The following PTGER3 variants were observed in gnomAD, a reference collection of about 807,000 sequenced individuals.
The protein encoded by PTGER3 is prostaglandin E2 receptor EP3 subtype.
PTGER3 carries 22 observed loss-of-function variants against 34.7 expected under a neutral mutation model. The observed-to-expected ratio is 0.63, with a 90% CI of 0.45 to 0.91. The LOEUF is 0.91. PTGER3 is among the 40% of genes least tolerant of loss of function. The pLI is 0.00. For synonymous variants in PTGER3, 241 were observed against 230.1 expected (o/e 1.05, Z -0.43); for missense variants, 468 against 519.4 (o/e 0.90, Z 0.96).
At chr1:70,962,987 G>A (rs922738130) in intron 2 of PTGER3, among the ~76,000 whole-genome samples, 3 of 152,174 alleles carry the variant, frequency 2.0e-5, no homozygotes, top group Non-Finnish European at 4.4e-5. Context: ...GATACAATGG[G>A]GGTACAGGCA....
At chr1:70,983,799 G>A (rs1000119724) in intron 2 of PTGER3, among the ~76,000 whole-genome samples, 6 of 151,914 alleles carry the variant, frequency 3.9e-5, no homozygotes, top group African/African-American at 1.5e-4. Flanking sequence ...ATCCTTCCCT[G>A]AACTATCTTT....
chr1:71,025,254 C>T (rs1451926498), intron 1 of PTGER3, among the ~76,000 whole-genome samples: 1 of 151,502 alleles, frequency 6.6e-6, no homozygotes, highest in Non-Finnish European at 1.5e-5. Context: ...ACTATAAGCA[C>T]ATCTTCTTAT....
intron 2 of PTGER3, chr1:71,011,544 ATAAT>A: frequency 3.0e-6 from 3 of 985,156 alleles, no homozygotes; most frequent in Non-Finnish European, 3.6e-6. Context: ...AAAAGAAAGA[ATAAT>A]TAGCAATTTG....
chr1:70,939,866 G>A (rs917687505), intron 4 of PTGER3, among the ~76,000 whole-genome samples: 1 of 152,192 alleles, frequency 6.6e-6, no homozygotes, highest in Non-Finnish European at 1.5e-5. Context: ...ATAGCCTGGA[G>A]ACATTTTCTC....
chr1:71,011,553 A>G, intron 2 of PTGER3: 1 of 985,110 alleles, frequency 1.0e-6, no homozygotes, highest in Non-Finnish European at 1.2e-6. Flanking sequence ...AATAATTAGC[A>G]ATTTGGGTAG....
intron 4 of PTGER3, chr1:70,865,837 A>G: frequency 7.4e-7 from 1 of 1,344,914 alleles, no homozygotes; most frequent in Non-Finnish European, 1.0e-6. Context: ...GAGGAGCCTG[A>G]AGAGAAGAGC....
intron 2 of PTGER3, among the ~76,000 whole-genome samples, chr1:70,992,742 G>A (rs1390091681): frequency 1.3e-5 from 2 of 151,956 alleles, no homozygotes; most frequent in Non-Finnish European, 2.9e-5. Flanking sequence ...TTTCCTTTAG[G>A]GCTCAACCAA....
chr1:70,934,642 G>C (rs1649032658), intron 4 of PTGER3, among the ~76,000 whole-genome samples: 3 of 152,090 alleles, frequency 2.0e-5, no homozygotes, highest in African/African-American at 7.2e-5. Context: ...GGAAAATTAG[G>C]ATGTCTCCAT....
At chr1:71,018,955 T>C (rs895247016) in intron 1 of PTGER3, among the ~76,000 whole-genome samples, 1 of 152,140 alleles carries the variant, frequency 6.6e-6, no homozygotes, top group African/African-American at 2.4e-5. Flanking sequence ...ATAGAGATAA[T>C]TGGAATTAGA....
At chr1:70,925,316 C>G (rs1647956515) in intron 4 of PTGER3, among the ~76,000 whole-genome samples, 1 of 152,154 alleles carries the variant, frequency 6.6e-6, no homozygotes, top group Non-Finnish European at 1.5e-5. Context: ...CGCACTCACT[C>G]TTAATATAAC....
At chr1:71,037,448 C>T (rs1159161232) in intron 1 of PTGER3, among the ~76,000 whole-genome samples, 1 of 152,194 alleles carries the variant, frequency 6.6e-6, no homozygotes, top group Non-Finnish European at 1.5e-5. Context: ...CCGTGCTGAC[C>T]ACCACTGTAT....
At chr1:70,896,823 TC>T (rs1360413398) in intron 4 of PTGER3, among the ~76,000 whole-genome samples, 1 of 152,136 alleles carries the variant, frequency 6.6e-6, no homozygotes, top group African/African-American at 2.4e-5. Context: ...CTTTTCAGAC[TC>T]TCCTTGACAT....
intron 4 of PTGER3, among the ~76,000 whole-genome samples, chr1:70,877,161 G>A (rs74864957): frequency 6.6e-6 from 1 of 152,066 alleles, no homozygotes; most frequent in Non-Finnish European, 1.5e-5. Context: ...TCATTATGGA[G>A]ATTTTTCACT....
chr1:71,021,019 T>C (rs2206345), intron 1 of PTGER3, among the ~76,000 whole-genome samples: 50,297 of 151,856 alleles, frequency 0.33, 9,042 homozygotes, highest in South Asian at 0.45. Flanking sequence ...GCACTCACAC[T>C]ATTGCAGATG....
intron 2 of PTGER3, among the ~76,000 whole-genome samples, chr1:70,959,715 T>C (rs2100622629): frequency 6.6e-6 from 1 of 152,256 alleles, no homozygotes; most frequent in African/African-American, 2.4e-5. Flanking sequence ...TAGCCAGGGC[T>C]GACGTGTCAT....
At chr1:70,896,904 G>T (rs6687859) in intron 4 of PTGER3, among the ~76,000 whole-genome samples, 33,724 of 152,016 alleles carry the variant, frequency 0.22, 4,069 homozygotes, top group Admixed American at 0.35. Context: ...CCACAATATG[G>T]CTTGATACTC....
At chr1:70,863,111 C>T (rs1048206443) in intron 4 of PTGER3, among the ~76,000 whole-genome samples, 5 of 151,800 alleles carry the variant, frequency 3.3e-5, no homozygotes, top group African/African-American at 7.3e-5. Context: ...TGGGCCATAA[C>T]ATGAGCTACA....
chr1:70,999,041 G>A (rs546550357), intron 2 of PTGER3, among the ~76,000 whole-genome samples: 6 of 152,208 alleles, frequency 3.9e-5, no homozygotes, highest in South Asian at 2.1e-4. Context: ...TTAGCCGGGC[G>A]TGGTGGCGGG....
chr1:70,982,317 T>C (rs1654458372), intron 2 of PTGER3, among the ~76,000 whole-genome samples: 1 of 152,172 alleles, frequency 6.6e-6, no homozygotes, highest in Admixed American at 6.6e-5. Flanking sequence ...ACTTTGGGAA[T>C]ATCATTTGTG....
Sources: gnomAD v4.1 joint callset for allele counts (sites outside exome capture counted in the v4.1 genomes callset) on GRCh38, gnomAD v4.1.1 for gene constraint, MANE v1.5 for transcripts, NCBI Gene and HGNC (gene_info 2026-07-23, HGNC 2026-07-21) for gene names.